PTPRD: variants seen among roughly 807,000 people sequenced by gnomAD.
PTPRD encodes protein tyrosine phosphatase receptor type D.
PTPRD carries 34 observed loss-of-function variants against 214.5 expected under a neutral mutation model. The ratio of observed to expected loss-of-function variants is 0.16; its 90% CI spans 0.12 to 0.21. The LOEUF (loss-of-function observed/expected upper bound fraction) is 0.21. PTPRD is among the 10% of genes least tolerant of loss of function. The probability of loss-of-function intolerance (pLI) is 1.00; values close to 1 mark genes in which losing one functional copy is unlikely to be tolerated. For synonymous variants in PTPRD, 1,128 were observed against 845.7 expected (o/e 1.33, Z -5.79); for missense variants, 2,545 against 2,398.7 (o/e 1.06, Z -1.27).
intron 2 of PTPRD, among the ~76,000 whole-genome samples, chr9:10,429,380 C>A (rs1406125140): frequency 6.6e-6 from 1 of 151,972 alleles, no homozygotes; most frequent in Non-Finnish European, 1.5e-5. Flanking sequence ...AGAAACCCTG[C>A]AGTTTCATGT....
chr9:9,356,259 G>C lies in PTPRD; in HGVS notation c.-203+41190C>G, dbSNP rs188469867. The stretch of plus-strand genomic sequence containing the variant: ...ATCTTGGAGAAATAACAGCAAGTTT[G>C]TGTGGTTATAGAAACAACCTAGTAG... On this transcript the variant is annotated intron_variant, in intron 9 of 45. Coordinates refer to ENST00000381196, the MANE Select transcript of PTPRD (RefSeq NM_002839.4). 1.9e-3 allele frequency among the ~76,000 whole-genome samples: 286 copies of C among 151,438 alleles called. 3 individuals are homozygous for C. Among genetic ancestry groups the C allele is most frequent in the Non-Finnish European group, 3.2e-3 (214 of 67,604 alleles).
intron 10 of PTPRD, among the ~76,000 whole-genome samples, chr9:9,032,427 G>A (rs1208734585): frequency 6.6e-6 from 1 of 151,986 alleles, no homozygotes; most frequent in Admixed American, 6.6e-5. Flanking sequence ...CAAAAACAGA[G>A]AGGCCTTGTT....
chr9:8,821,057 C>T (rs2097050439), intron 11 of PTPRD, among the ~76,000 whole-genome samples: 1 of 152,156 alleles, frequency 6.6e-6, no homozygotes, highest in African/African-American at 2.4e-5. Flanking sequence ...GGCTATAGAC[C>T]AGCATCAGAA....
intron 10 of PTPRD, among the ~76,000 whole-genome samples, chr9:9,078,407 T>C (rs969777230): frequency 2.0e-5 from 3 of 152,074 alleles, no homozygotes; most frequent in Non-Finnish European, 4.4e-5. Flanking sequence ...TAATTAATGT[T>C]GAATGTGGGT....
At chr9:9,707,654 T>C (rs1200518376) in intron 7 of PTPRD, among the ~76,000 whole-genome samples, 1 of 152,158 alleles carries the variant, frequency 6.6e-6, no homozygotes, top group African/African-American at 2.4e-5. Flanking sequence ...AATTATCCAA[T>C]AAATTAAGCT....
rs767404549 is a variant in PTPRD at position 8,485,890 on chromosome 9, T to C, written c.2927A>G (p.Asp976Gly). 1 of 1,614,176 alleles carries C rather than the reference T, an allele frequency of 6.2e-7. No homozygotes were observed. Among genetic ancestry groups the C allele is most frequent in the Non-Finnish European group, 8.5e-7 (1 of 1,180,016 alleles). The change falls in exon 28 of 46, where the codon GAC becomes GGC. Residue 976 changes from aspartate (D) to glycine (G), a missense_variant. Physicochemically the swap from Asp to Gly is moderately conservative, Grantham distance 94. Coordinates refer to ENST00000381196, the MANE Select transcript of PTPRD (RefSeq NM_002839.4). ...LPMEQLIVPA[D>G]TTMTLTGLKP... is the part of the protein sequence containing the mutation. ...TAAGCCAGTGAGTGTCATAGTGGTG[T>C]CAGCTGGAACAATAAGCTGCTCCAT...
At chr9:9,899,943 C>A (rs1267274861) in intron 5 of PTPRD, among the ~76,000 whole-genome samples, 1 of 151,846 alleles carries the variant, frequency 6.6e-6, no homozygotes, top group Non-Finnish European at 1.5e-5. Context: ...GCCAAGCACA[C>A]AAAGACACAT....
rs560579389 is a variant in PTPRD at position 10,531,919 on chromosome 9, C to A, written c.-600+80479G>T. Among the ~76,000 whole-genome samples, 4 of 152,326 alleles carry A rather than the reference C, an allele frequency of 2.6e-5. No homozygotes were observed. In the South Asian group the frequency reaches 8.3e-4, roughly 32 times the overall value. On this transcript the variant is annotated intron_variant, in intron 2 of 45. Transcript: ENST00000381196. Reference sequence around the variant, plus strand: ...GTAACTTTCCCATGGAGAACTCCAACAGACCCTGCCTTCACCAAGTGATCA... The same window carrying A: ...GTAACTTTCCCATGGAGAACTCCAAAAGACCCTGCCTTCACCAAGTGATCA...
At position 8,411,270 on chromosome 9, in the gene PTPRD, C is replaced by T. The variant is rs531880826; in HGVS notation, c.4087-6610G>A. Among the ~76,000 whole-genome samples the T allele has an allele frequency of 6.6e-5, 10 of 151,838 alleles. No homozygotes were observed. The South Asian group carries it at 1.2e-3, about 19-fold the overall frequency. ...AAGATTTAAATAACTAGATTTTTTA[C>T]TATATACTTTTTTAAAATTTTTTAT... On this transcript the variant is annotated intron_variant, in intron 35 of 45. Coordinates refer to ENST00000381196, the MANE Select transcript of PTPRD (RefSeq NM_002839.4).
At chr9:10,330,946 C>A (rs562914245) in intron 3 of PTPRD, among the ~76,000 whole-genome samples, 1 of 151,892 alleles carries the variant, frequency 6.6e-6, no homozygotes, top group East Asian at 2.0e-4. Context: ...GAGAAACATA[C>A]AAGAATTCCA....
At chr9:10,198,059 A>C (rs2099404844) in intron 3 of PTPRD, among the ~76,000 whole-genome samples, 1 of 152,104 alleles carries the variant, frequency 6.6e-6, no homozygotes, top group Non-Finnish European at 1.5e-5. Context: ...TAGTTTTTAA[A>C]AGCTTCTCTA....
intron 11 of PTPRD, among the ~76,000 whole-genome samples, chr9:8,850,973 T>G (rs955661117): frequency 6.6e-6 from 1 of 152,210 alleles, no homozygotes; most frequent in Non-Finnish European, 1.5e-5. Context: ...GATCAGCATT[T>G]GATGTGTCTA....
chr9:9,549,242 A>ATATAT (rs548965607), intron 8 of PTPRD, among the ~76,000 whole-genome samples: 2,506 of 152,194 alleles, frequency 0.016, 39 homozygotes, highest in Admixed American at 0.026. Context: ...AAAATTATAC[A>ATATAT]TATATATGTG....
intron 8 of PTPRD, among the ~76,000 whole-genome samples, chr9:9,401,177 G>A (rs2070291049): frequency 1.3e-5 from 2 of 151,974 alleles, no homozygotes. Context: ...CCCATTCTGG[G>A]CATAGAAAAT....
intron 3 of PTPRD, among the ~76,000 whole-genome samples, chr9:10,098,042 A>G (rs2098510409): frequency 6.6e-6 from 1 of 151,816 alleles, no homozygotes; most frequent in Non-Finnish European, 1.5e-5. Context: ...ACACATGCAC[A>G]CGTATGTTTA....
In PTPRD at chr9:9,836,466, C is replaced by G. The variant is rs946937555; in HGVS notation, c.-367-69615G>C. Among the ~76,000 whole-genome samples the G allele has an allele frequency of 3.3e-5, 5 of 152,226 alleles. No individual in the cohort carries two copies. The East Asian group carries it at 7.7e-4, about 24-fold the overall frequency. On this transcript the variant is annotated intron_variant, in intron 5 of 45. Coordinates refer to ENST00000381196, the MANE Select transcript of PTPRD (RefSeq NM_002839.4). ...AAACCCTCAAAAATTTGAACTTTCTCTTACCAAATCTCGCCTGACTACTAC... is the reference window on the plus strand; with the variant it reads ...AAACCCTCAAAAATTTGAACTTTCTGTTACCAAATCTCGCCTGACTACTAC...
intron 12 of PTPRD, among the ~76,000 whole-genome samples, chr9:8,658,443 C>T (rs996403794): frequency 6.6e-6 from 1 of 152,052 alleles, no homozygotes; most frequent in Non-Finnish European, 1.5e-5. Context: ...CCACAAAGGA[C>T]ATATTGAGAG....
chr9:9,595,449 TAC>T (rs1309816779), intron 7 of PTPRD, among the ~76,000 whole-genome samples: 1 of 150,158 alleles, frequency 6.7e-6, no homozygotes, highest in Non-Finnish European at 1.5e-5. Flanking sequence ...TACACATGCA[TAC>T]ACATGTACGC....
chr9:9,704,863 A>T (rs558670556), intron 7 of PTPRD, among the ~76,000 whole-genome samples: 2 of 152,200 alleles, frequency 1.3e-5, no homozygotes, highest in Non-Finnish European at 2.9e-5. Flanking sequence ...AAAACCATCA[A>T]GAGATATCTG....
Sources: allele counts gnomAD v4.1 joint callset (sites outside exome capture counted in the v4.1 genomes callset), GRCh38; gene constraint gnomAD v4.1.1; transcripts MANE v1.5; gene names NCBI Gene and HGNC (gene_info 2026-07-23, HGNC 2026-07-21).